Variants in EZH1 observed in about 807,000 individuals in gnomAD.
EZH1 encodes histone-lysine N-methyltransferase EZH1.
EZH1 carries 33 observed loss-of-function variants against 100.5 expected under a neutral mutation model. The observed-to-expected ratio is 0.33, with a 90% confidence interval of 0.25 to 0.44. The LOEUF is 0.44. Ranked by LOEUF, EZH1 falls within the 20% of genes least tolerant of loss-of-function variation. The pLI is 1.00. For synonymous variants in EZH1, 272 were observed against 313.8 expected (o/e 0.87, Z 1.41); for missense variants, 475 against 928.4 (o/e 0.51, Z 6.35).
At chr17:42,740,817 C>T (rs927615759) in intron 1 of EZH1, among the ~76,000 whole-genome samples, 1 of 152,142 alleles carries the variant, frequency 6.6e-6, no homozygotes, top group African/African-American at 2.4e-5. Context: ...TCAAATTATT[C>T]GGGTAGGTGA....
At chr17:42,704,200 G>A (rs73983748) in intron 18 of EZH1, among the ~76,000 whole-genome samples, 5,449 of 152,164 alleles carry the variant, frequency 0.036, 333 homozygotes, top group African/African-American at 0.12. Context: ...TGGAAGATTC[G>A]GAGCTGATCT....
intron 2 of EZH1, 28 bp downstream of exon 2, chr17:42,730,800 A>C: frequency 2.1e-6 from 2 of 968,506 alleles, no homozygotes; most frequent in Non-Finnish European, 2.5e-6. Context: ...CCGGCCAAGA[A>C]GTATGTATTC....
At chr17:42,743,429 C>T (rs970684807) in intron 1 of EZH1, among the ~76,000 whole-genome samples, 3 of 151,684 alleles carry the variant, frequency 2.0e-5, no homozygotes, top group Non-Finnish European at 4.4e-5. Context: ...CCTCAGCCTC[C>T]CAAAGTGTTG....
At chr17:42,727,101 C>CT (rs1597852678) in intron 4 of EZH1, among the ~76,000 whole-genome samples, 1 of 152,098 alleles carries the variant, frequency 6.6e-6, no homozygotes, top group African/African-American at 2.4e-5. Flanking sequence ...CCATCTGCCT[C>CT]AGCCTCCCGA....
In EZH1 at chr17:42,701,110, G is replaced by C. The variant is rs937991241; in HGVS notation, c.*1422C>G. ...CCACCATGGACACAGGGCAGCTCTT[G>C]CTGGCCCCATTCACATGAAATTCTT... On this transcript the variant is annotated 3_prime_UTR_variant, in exon 21 of 21. Transcript: ENST00000428826. 1 of 152,646 alleles carries C rather than the reference G, an allele frequency of 6.6e-6. No homozygotes were observed. Among genetic ancestry groups the C allele is most frequent in the Admixed American group, 6.5e-5 (1 of 15,288 alleles). 9.5% of individuals were successfully genotyped at this position (152,646 alleles called of 1,614,324 possible).
At position 42,702,413 on chromosome 17, in the gene EZH1, T is replaced by G. The variant is rs1285859052; in HGVS notation, c.*119A>C. On this transcript the variant is annotated 3_prime_UTR_variant, in exon 21 of 21. Transcript: ENST00000428826. Reference sequence around the variant, plus strand: ...GGCAGAGGCCTCACTACAGAGGGAGTGGGTTGGGGGGTTTCTCAGTGTGGG... The same window carrying G: ...GGCAGAGGCCTCACTACAGAGGGAGGGGGTTGGGGGGTTTCTCAGTGTGGG... 1 of 793,354 alleles carries G rather than the reference T, an allele frequency of 1.3e-6. No homozygotes were observed. The highest frequency in any genetic ancestry group is 1.9e-5 in the South Asian group (1 of 51,688). The allele number at this position is 793,354 out of a possible 1,614,324, so 49.1% of individuals were successfully genotyped here.
At position 42,706,061 on chromosome 17, in the gene EZH1, C is replaced by T; in HGVS notation, c.1785G>A (p.Trp595Ter). 1 of 1,613,934 alleles carries T rather than the reference C, an allele frequency of 6.2e-7. No individual in the cohort carries two copies. The highest frequency in any genetic ancestry group is 8.5e-7 in the Non-Finnish European group (1 of 1,179,944). ...LCLTCGASEH[W>*]DCKVVSCKNC... The stretch of plus-strand genomic sequence containing the variant: ...TTTTACAGGAAACCACCTTGCAGTC[C>T]CAGTGCTCTGAGGCCCCACAGGTGA... Residue 595 changes from tryptophan to a stop codon, truncating the protein, a stop_gained, in exon 16 of 21, where the codon TGG (tryptophan) becomes TGA (stop). Coordinates refer to ENST00000428826, the MANE Select transcript of EZH1 (RefSeq NM_001991.5). LOFTEE classifies it high-confidence loss of function. This position sits in a 1 kb window ranked among gnomAD's most constrained non-coding sequence, Gnocchi z 4.4.
intron 12 of EZH1, 57 bp downstream of exon 12, chr17:42,712,232 G>A: frequency 1.3e-6 from 2 of 1,562,196 alleles, no homozygotes; most frequent in Non-Finnish European, 1.7e-6. Flanking sequence ...GCAAAGGGCT[G>A]GACAGAGCAA....
Position 42,718,417 on chromosome 17 carries a change from GA to G in EZH1, c.931+36del. 2 of 1,609,498 alleles carry G rather than the reference GA, an allele frequency of 1.2e-6. No individual in the cohort carries two copies. ...AAGGAAATGGTGGCTGGGGATGGAA[GA>G]GAGGAGAGCATTTCAAACAGAGTAG... On this transcript the variant is annotated intron_variant, in intron 9 of 20. Transcript: ENST00000428826. This position sits in a 1 kb window ranked among gnomAD's most constrained non-coding sequence, Gnocchi z 4.2.
In EZH1 at chr17:42,705,081, C is replaced by T. The variant is rs2143711840; in HGVS notation, c.1935+7G>A. 6.2e-7 allele frequency: 1 copy of T among 1,610,464 alleles called. No individual in the cohort carries two copies. The highest frequency in any genetic ancestry group is 8.5e-7 in the Non-Finnish European group (1 of 1,176,980). On this transcript the variant is annotated splice_region_variant and intron_variant, in intron 17 of 20. Transcript: ENST00000428826. ...GTAAGAATGTGGGCCAAAACTATAG[C>T]ACTCACCTCACCACAGTATTCAGAA...
At chr17:42,725,404 G>T (rs895230581) in intron 4 of EZH1, among the ~76,000 whole-genome samples, 4 of 151,552 alleles carry the variant, frequency 2.6e-5, no homozygotes, top group Non-Finnish European at 5.9e-5. Context: ...GAGAAGCTGG[G>T]ATTACAGGCA....
chr17:42,707,585 A>G (rs1413938751), intron 15 of EZH1, among the ~76,000 whole-genome samples: 1 of 151,892 alleles, frequency 6.6e-6, no homozygotes, highest in Non-Finnish European at 1.5e-5. Context: ...AGTAGAGATG[A>G]GGTTTCGCCA....
chr17:42,708,016 G>C lies in EZH1; in HGVS notation c.1602C>G (p.Thr534=). The change falls in exon 15 of 21, where the codon ACC becomes ACG. Residue 534 remains threonine, a synonymous_variant. Transcript: ENST00000428826. ...AATTCTGAGTCATGATGCAGGGGCA[G>C]GTGCTGTCACAGGGGCGGTCTGGGT... ...CDHPDRPCDS[T]CPCIMTQNFC... is the part of the protein sequence containing the mutation. 6.2e-7 allele frequency: 1 copy of C among 1,613,700 alleles called. No individual in the cohort carries two copies. The highest frequency in any genetic ancestry group is 8.5e-7 in the Non-Finnish European group (1 of 1,179,888).
intron 15 of EZH1, among the ~76,000 whole-genome samples, chr17:42,707,451 G>C (rs1024087744): frequency 6.6e-6 from 1 of 152,174 alleles, no homozygotes; most frequent in African/African-American, 2.4e-5. Flanking sequence ...TAGTAGAGAC[G>C]GGGTTCACCA....
rs753051260 is a variant in EZH1, at chr17:42,724,382, T to A, written c.289A>T (p.Met97Leu). 1.2e-6 allele frequency: 2 copies of A among 1,613,970 alleles called. No homozygotes were observed. The highest frequency in any genetic ancestry group is 1.7e-6 in the Non-Finnish European group (2 of 1,179,980). The change falls in exon 5 of 21, where the codon ATG becomes TTG. Residue 97 changes from methionine to leucine, a missense_variant. Physicochemically the swap from Met to Leu is conservative, Grantham distance 15. Transcript: ENST00000428826. ...ACTGTGTTCAGTGACCTCATTAACA[T>A]ATGTTGGCTTGCAAATCCCGGGAAA... Reference protein sequence around the residue: ...SIFPGFASQHMLMRSLNTVAL... With the variant: ...SIFPGFASQHLLMRSLNTVAL...
At chr17:42,733,032 C>CAAAAA (rs35232752) in intron 1 of EZH1, among the ~76,000 whole-genome samples, 2 of 103,240 alleles carry the variant, frequency 1.9e-5, no homozygotes, top group Non-Finnish European at 4.0e-5. Flanking sequence ...ACCATCTCTA[C>CAAAAA]AAAAAAAAAA....
intron 15 of EZH1, 101 bp downstream of exon 15, chr17:42,707,857 C>A: frequency 7.1e-7 from 1 of 1,415,304 alleles, no homozygotes; most frequent in Non-Finnish European, 9.9e-7. Context: ...AAGGGGATAT[C>A]AGAAGGCCAT....
intron 1 of EZH1, among the ~76,000 whole-genome samples, chr17:42,732,161 A>G (rs974037142): frequency 6.6e-6 from 1 of 152,076 alleles, no homozygotes; most frequent in Admixed American, 6.6e-5. Flanking sequence ...AAGGAAAAGA[A>G]AAGAAAAATA....
intron 1 of EZH1, among the ~76,000 whole-genome samples, chr17:42,737,653 A>C (rs1261276303): frequency 6.6e-6 from 1 of 152,180 alleles, no homozygotes; most frequent in Non-Finnish European, 1.5e-5. Flanking sequence ...TTTCTTTCTT[A>C]AAAAACAAAC....
Sources: gnomAD v4.1 joint callset for allele counts (sites outside exome capture counted in the v4.1 genomes callset) on GRCh38, gnomAD v4.1.1 for gene constraint, Gnocchi (gnomAD v3.1) non-coding constraint, MANE v1.5 for transcripts, NCBI Gene and HGNC (gene_info 2026-07-23, HGNC 2026-07-21) for gene names.